PSD3: variants seen among roughly 807,000 people sequenced by gnomAD.
The protein encoded by PSD3 is pleckstrin and Sec7 domain containing 3.
PSD3 carries 49 observed loss-of-function variants against 105.5 expected under a neutral mutation model. That is an observed-to-expected ratio of 0.46 (90% CI 0.37 to 0.59). The LOEUF (loss-of-function observed/expected upper bound fraction) is 0.59. Among genes scored for constraint, PSD3 ranks in the 20% least tolerant of loss-of-function variants. PSD3 has a pLI of 0.00. For missense variants in PSD3, 1,561 were observed against 1,263.8 expected (o/e 1.24, Z -3.57); for synonymous variants, 557 against 457.8 (o/e 1.22, Z -2.77).
At chr8:18,913,355 T>C (rs550102660) in intron 2 of PSD3, among the ~76,000 whole-genome samples, 359 of 151,974 alleles carry the variant, frequency 2.4e-3, no homozygotes, top group African/African-American at 8.3e-3. Context: ...TTTTTTTTTC[T>C]TTAGAGTGCA....
intron 1 of PSD3, among the ~76,000 whole-genome samples, chr8:18,965,685 G>C (rs1413744487): frequency 6.6e-6 from 1 of 152,228 alleles, no homozygotes; most frequent in Non-Finnish European, 1.5e-5. Flanking sequence ...ACAAGCTGTA[G>C]GTCAAGCTTG....
chr8:18,647,511 G>A (rs919163098), intron 10 of PSD3, among the ~76,000 whole-genome samples: 5 of 151,934 alleles, frequency 3.3e-5, no homozygotes, highest in African/African-American at 9.7e-5. Context: ...AAGAACAAAT[G>A]TGCTAAATGA....
intron 9 of PSD3, among the ~76,000 whole-genome samples, chr8:18,712,531 A>G (rs1802318736): frequency 6.6e-6 from 1 of 152,254 alleles, no homozygotes; most frequent in South Asian, 2.1e-4. Context: ...AGAAATGGAT[A>G]TATTCCTAGA....
At chr8:18,850,668 A>G (rs1009233702) in intron 4 of PSD3, among the ~76,000 whole-genome samples, 1 of 152,222 alleles carries the variant, frequency 6.6e-6, no homozygotes, top group African/African-American at 2.4e-5. Flanking sequence ...GGAGAAGTAG[A>G]AAAGGAAAGA....
At chr8:19,033,352 A>C (rs981701455) in intron 1 of PSD3, among the ~76,000 whole-genome samples, 1 of 152,012 alleles carries the variant, frequency 6.6e-6, no homozygotes, top group Admixed American at 6.6e-5. Context: ...TAAATGATTG[A>C]TTATAGAACA....
At chr8:18,592,693 C>A (rs181814639) in intron 12 of PSD3, among the ~76,000 whole-genome samples, 36 of 151,894 alleles carry the variant, frequency 2.4e-4, no homozygotes, top group African/African-American at 6.3e-4. Flanking sequence ...CTCAAAAAAA[C>A]AAACAAACAA....
chr8:18,842,512 T>C (rs953406439), intron 4 of PSD3, among the ~76,000 whole-genome samples: 2 of 152,064 alleles, frequency 1.3e-5, no homozygotes, highest in African/African-American at 4.8e-5. Flanking sequence ...GGCGGGCGGA[T>C]CACAAGGTCA....
chr8:18,850,612 A>G (rs1815486496), intron 4 of PSD3, among the ~76,000 whole-genome samples: 2 of 152,220 alleles, frequency 1.3e-5, no homozygotes, highest in Admixed American at 6.5e-5. Context: ...GTTATTTAAA[A>G]GGAGGCAAAA....
Position 18,817,763 on chromosome 8 carries a change from C to G in PSD3, c.1635-12865G>C, listed in dbSNP as rs556054574. Among the ~76,000 whole-genome samples the G allele has an allele frequency of 2.9e-4, 44 of 152,294 alleles. No homozygotes were observed. The South Asian group carries it at 9.1e-3, about 32-fold the overall frequency. ...AGCGGAAATCATCTGCCAATGAGCT[C>G]TCTCTATGTTGCAGATCTTTTAATG... is the stretch of plus-strand genomic sequence containing the variant. On this transcript the variant is annotated intron_variant, in intron 4 of 15. Coordinates refer to ENST00000327040, the MANE Select transcript of PSD3 (RefSeq NM_015310.4).
chr8:18,588,385 T>C (rs1353773917), intron 12 of PSD3, among the ~76,000 whole-genome samples: 1 of 152,122 alleles, frequency 6.6e-6, no homozygotes, highest in African/African-American at 2.4e-5. Flanking sequence ...TCCAGGAACA[T>C]ATATTAGTTC....
chr8:19,007,361 G>C (rs1442238890), intron 1 of PSD3, among the ~76,000 whole-genome samples: 1 of 151,986 alleles, frequency 6.6e-6, no homozygotes, highest in African/African-American at 2.4e-5. Context: ...AGTTACTAGC[G>C]GCCTGAAGCT....
At chr8:18,910,839 ATC>A (rs1820170599) in intron 2 of PSD3, among the ~76,000 whole-genome samples, 1 of 151,962 alleles carries the variant, frequency 6.6e-6, no homozygotes, top group Admixed American at 6.6e-5. Context: ...TTCAAATGGT[ATC>A]TGACACAGAA....
chr8:18,574,312 G>A (rs991621024), intron 13 of PSD3, among the ~76,000 whole-genome samples: 1 of 151,982 alleles, frequency 6.6e-6, no homozygotes, highest in South Asian at 2.1e-4. Flanking sequence ...ACTGTTTTTT[G>A]CATCAATTCT....
chr8:18,634,556 C>A (rs140245394), intron 10 of PSD3, among the ~76,000 whole-genome samples: 1 of 152,154 alleles, frequency 6.6e-6, no homozygotes, highest in Admixed American at 6.5e-5. Context: ...ATCCATGATC[C>A]CACAGTGCAT....
At chr8:18,801,232 G>T in intron 7 of PSD3, 38 bp downstream of exon 7, 2 of 1,261,776 alleles carry the variant, frequency 1.6e-6, no homozygotes, top group Non-Finnish European at 2.3e-6. Flanking sequence ...AATAACCATT[G>T]ATATAAAAAA....
intron 9 of PSD3, among the ~76,000 whole-genome samples, chr8:18,679,642 G>A (rs777847307): frequency 2.0e-5 from 3 of 152,094 alleles, no homozygotes; most frequent in African/African-American, 7.2e-5. Flanking sequence ...TGCATTTTAG[G>A]GATGAGTCTT....
intron 8 of PSD3, among the ~76,000 whole-genome samples, chr8:18,790,430 G>C (rs1426785594): frequency 6.6e-6 from 1 of 150,930 alleles, no homozygotes; most frequent in Non-Finnish European, 1.5e-5. Flanking sequence ...AGCCTCCCAA[G>C]TAGCTGGGAC....
At chr8:18,700,244 ACCT>A (rs1378892371) in intron 9 of PSD3, among the ~76,000 whole-genome samples, 18 of 152,274 alleles carry the variant, frequency 1.2e-4, no homozygotes, top group African/African-American at 4.3e-4. Flanking sequence ...TTAAAAACAG[ACCT>A]CCTAATCACT....
intron 9 of PSD3, among the ~76,000 whole-genome samples, chr8:18,683,137 A>G (rs939465619): frequency 2.0e-5 from 3 of 152,224 alleles, no homozygotes; most frequent in African/African-American, 2.4e-5. Context: ...TCACACGAAC[A>G]AAGATTATAT....
Sources: gnomAD v4.1 joint callset for allele counts (sites outside exome capture counted in the v4.1 genomes callset) on GRCh38, gnomAD v4.1.1 for gene constraint, MANE v1.5 for transcripts, NCBI Gene and HGNC (gene_info 2026-07-23, HGNC 2026-07-21) for gene names.